The following LAMA3 variants were observed in gnomAD, a reference collection of about 807,000 sequenced individuals.
The protein encoded by LAMA3 is laminin subunit alpha 3.
A neutral mutation model predicts 402.0 loss-of-function variants in LAMA3; 281 were observed. The observed-to-expected ratio is 0.70, with a 90% CI of 0.63 to 0.77. The LOEUF is 0.77. LAMA3 is among the 30% of genes least tolerant of loss of function. The probability of loss-of-function intolerance (pLI) is 0.00; values close to 1 mark genes in which losing one functional copy is unlikely to be tolerated. For synonymous variants in LAMA3, 1,431 were observed against 1,558.4 expected (o/e 0.92, Z 1.93); for missense variants, 3,840 against 4,215.5 (o/e 0.91, Z 2.47).
chr18:23,707,783 G>A (rs574941966), intron 1 of LAMA3, among the ~76,000 whole-genome samples: 2 of 147,248 alleles, frequency 1.4e-5, no homozygotes, highest in East Asian at 4.0e-4. Flanking sequence ...GTCTTGCTCT[G>A]TCGCCCAGGA....
chr18:23,835,684 G>A (rs1289643402), intron 24 of LAMA3, among the ~76,000 whole-genome samples: 2 of 152,122 alleles, frequency 1.3e-5, no homozygotes, highest in Non-Finnish European at 2.9e-5. Flanking sequence ...TGCCTGTCAT[G>A]TGGATGAGTG....
At chr18:23,897,343 A>G (rs1280154313) in intron 44 of LAMA3, among the ~76,000 whole-genome samples, 2 of 152,246 alleles carry the variant, frequency 1.3e-5, no homozygotes, top group African/African-American at 4.8e-5. Flanking sequence ...ATCCTTTTGC[A>G]TAACTTTAGT....
chr18:23,897,001 C>T (rs1056209492), intron 44 of LAMA3, among the ~76,000 whole-genome samples: 27 of 151,954 alleles, frequency 1.8e-4, no homozygotes, highest in Non-Finnish European at 2.6e-4. Context: ...GAGTTCACTT[C>T]GGATAAAATG....
chr18:23,840,377 C>CTTTTTTTT (rs201657216), intron 27 of LAMA3, among the ~76,000 whole-genome samples: 1 of 79,514 alleles, frequency 1.3e-5, no homozygotes, highest in Non-Finnish European at 2.3e-5. Flanking sequence ...AAGAACCTTT[C>CTTTTTTTT]TTTCTTTTTT....
chr18:23,738,588 T>G (rs897848909), intron 2 of LAMA3, among the ~76,000 whole-genome samples: 17 of 152,086 alleles, frequency 1.1e-4, no homozygotes, highest in African/African-American at 4.1e-4. Context: ...GGCTGCATAG[T>G]CAGGACCACA....
At chr18:23,761,709 T>G (rs908611305) in intron 7 of LAMA3, among the ~76,000 whole-genome samples, 1 of 152,214 alleles carries the variant, frequency 6.6e-6, no homozygotes, top group African/African-American at 2.4e-5. Flanking sequence ...GTATTTTTTT[T>G]GACAGTGAAA....
At chr18:23,922,884 G>T (rs9966511) in intron 62 of LAMA3, among the ~76,000 whole-genome samples, 1,689 of 152,310 alleles carry the variant, frequency 0.011, 30 homozygotes, top group African/African-American at 0.039. Context: ...CAGGTGCCAA[G>T]AAGGCAACAA....
intron 70 of LAMA3, among the ~76,000 whole-genome samples, chr18:23,948,711 A>G (rs566794705): frequency 6.6e-6 from 1 of 152,088 alleles, no homozygotes; most frequent in African/African-American, 2.4e-5. Context: ...CTGGGACTAC[A>G]GGCACCTGCC....
chr18:23,730,042 C>T (rs1441038744), intron 2 of LAMA3, among the ~76,000 whole-genome samples: 7 of 152,160 alleles, frequency 4.6e-5, no homozygotes, highest in Non-Finnish European at 1.0e-4. Flanking sequence ...CCCTTTAGTC[C>T]CGGAATAGTT....
rs564168192 is a variant in LAMA3 at position 23,750,405 on chromosome 18, T to C, written c.685-513T>C. On this transcript the variant is annotated intron_variant, in intron 4 of 74. Coordinates refer to ENST00000313654, the MANE Select transcript of LAMA3 (RefSeq NM_198129.4). ...ACACTTGGGCTTCATCACTTTGGGC[T>C]TTAAAACAAAATGGAGGGTTTACAC... 2.7e-5 allele frequency among the ~76,000 whole-genome samples: 4 copies of C among 148,956 alleles called. No individual in the cohort carries two copies. The East Asian group carries it at 8.0e-4, about 30-fold the overall frequency.
chr18:23,796,100 T>G (rs1393057380), intron 12 of LAMA3: 1 of 441,054 alleles, frequency 2.3e-6, no homozygotes, highest in Non-Finnish European at 4.5e-6. Flanking sequence ...CACCTGGATC[T>G]TGGACTTCCC....
intron 11 of LAMA3, among the ~76,000 whole-genome samples, chr18:23,778,303 A>C (rs1233118086): frequency 6.6e-6 from 1 of 152,230 alleles, no homozygotes; most frequent in Non-Finnish European, 1.5e-5. Flanking sequence ...CTGGGGACTT[A>C]GCAGAGAACA....
chr18:23,846,543 C>T lies in LAMA3; in HGVS notation c.3931+35C>T, dbSNP rs751769233. On this transcript the variant is annotated intron_variant, in intron 31 of 74. Coordinates refer to ENST00000313654, the MANE Select transcript of LAMA3 (RefSeq NM_198129.4). ...CGTTTCCCATCACCCAAGTTCTGCTCTGGTCCCGTGTGGATGATGCTTACC... is the reference window on the plus strand; with the variant it reads ...CGTTTCCCATCACCCAAGTTCTGCTTTGGTCCCGTGTGGATGATGCTTACC... 44 of 1,569,786 alleles carry T rather than the reference C, an allele frequency of 2.8e-5. 1 individual carries two copies. The South Asian group carries it at 4.8e-4, about 17-fold the overall frequency.
At chr18:23,714,420 T>C (rs2061057324) in intron 2 of LAMA3, among the ~76,000 whole-genome samples, 1 of 152,100 alleles carries the variant, frequency 6.6e-6, no homozygotes, top group African/African-American at 2.4e-5. Context: ...CTTGGGAGGC[T>C]GAGGCAGGAG....
intron 37 of LAMA3, among the ~76,000 whole-genome samples, chr18:23,870,946 A>T (rs1019941290): frequency 6.6e-6 from 1 of 152,262 alleles, no homozygotes; most frequent in African/African-American, 2.4e-5. Flanking sequence ...ACAGTTAAAA[A>T]TGGTTAAGAT....
intron 11 of LAMA3, among the ~76,000 whole-genome samples, chr18:23,783,783 T>C (rs550099677): frequency 4.6e-5 from 7 of 152,334 alleles, no homozygotes; most frequent in Non-Finnish European, 1.0e-4. Flanking sequence ...GAATAGATGT[T>C]AAAAGAATGG....
At chr18:23,694,849 G>A (rs1313558117) in intron 1 of LAMA3, among the ~76,000 whole-genome samples, 2 of 152,312 alleles carry the variant, frequency 1.3e-5, no homozygotes, top group East Asian at 1.9e-4. Context: ...TGTCTGGACA[G>A]AGTATTGAGA....
chr18:23,719,935 T>C (rs1157626782), intron 2 of LAMA3, among the ~76,000 whole-genome samples: 1 of 152,226 alleles, frequency 6.6e-6, no homozygotes, highest in Non-Finnish European at 1.5e-5. Flanking sequence ...CCAGTCTTTC[T>C]GGATTCCTGA....
chr18:23,941,524 G>C (rs190731204), intron 68 of LAMA3, among the ~76,000 whole-genome samples: 59 of 152,270 alleles, frequency 3.9e-4, no homozygotes, highest in African/African-American at 1.4e-3. Flanking sequence ...AGCCCCAAAT[G>C]TTGTAGCAAT....
Sources: allele counts gnomAD v4.1 joint callset (sites outside exome capture counted in the v4.1 genomes callset), GRCh38; gene constraint gnomAD v4.1.1; transcripts MANE v1.5; gene names NCBI Gene and HGNC (gene_info 2026-07-23, HGNC 2026-07-21).